Variants in PCDHA7 observed in about 807,000 individuals in gnomAD.
The protein encoded by PCDHA7 is protocadherin alpha-7.
In PCDHA7, 37 loss-of-function variants were observed where a neutral mutation model predicts 57.2. That is an observed-to-expected ratio of 0.65 (90% CI 0.50 to 0.85). The LOEUF (loss-of-function observed/expected upper bound fraction) is 0.85, where lower values mean the gene tolerates loss of function less well. PCDHA7 is among the 40% of genes least tolerant of loss of function. PCDHA7 has a pLI of 0.00. For synonymous variants in PCDHA7, 553 were observed against 558.8 expected, an observed-to-expected ratio of 0.99 and a Z score of 0.15; for missense variants, 1,188 against 1,241.8, an observed-to-expected ratio of 0.96 and a Z score of 0.65.
intron 1 of PCDHA7, among the ~76,000 whole-genome samples, chr5:140,918,002 A>G (rs2153546564): frequency 1.3e-5 from 2 of 152,244 alleles, no homozygotes; most frequent in South Asian, 4.2e-4. Context: ...TATCTTAACA[A>G]TGTTGTTTCT....
chr5:141,000,395 C>CTCTA (rs1213762225), intron 3 of PCDHA7, among the ~76,000 whole-genome samples: 16 of 53,972 alleles, frequency 3.0e-4, no homozygotes, highest in East Asian at 6.1e-4. Context: ...CTCTCTCTCT[C>CTCTA]TATATATATA....
At chr5:140,874,134 C>T (rs2054725501) in intron 1 of PCDHA7, among the ~76,000 whole-genome samples, 1 of 152,122 alleles carries the variant, frequency 6.6e-6, no homozygotes, top group African/African-American at 2.4e-5. Flanking sequence ...TTTAAGTTAT[C>T]TTATACTTGT....
At chr5:140,862,566 T>C (rs1440139064) in intron 1 of PCDHA7, 1 of 478,068 alleles carries the variant, frequency 2.1e-6, no homozygotes, top group Non-Finnish European at 4.3e-6. Context: ...TGAACCACAA[T>C]GCCCTGGCGT....
Position 140,897,056 on chromosome 5 carries a change from T to C in PCDHA7, c.2355+60318T>C, listed in dbSNP as rs147544543. Among the ~76,000 whole-genome samples the C allele has an allele frequency of 2.6e-3, 395 of 152,288 alleles. 2 individuals carry two copies. The highest frequency in any genetic ancestry group is 9.2e-3 in the African/African-American group (384 of 41,556). ...ATAGTCACCCTATTCTGCTGTCAAA[T>C]ACTATGTCTTATTCATTTTTTCTAT... On this transcript the variant is annotated intron_variant, in intron 1 of 3. Coordinates refer to ENST00000525929, the MANE Select transcript of PCDHA7 (RefSeq NM_018910.3).
At chr5:140,884,722 T>C in intron 1 of PCDHA7, 2 of 1,460,382 alleles carry the variant, frequency 1.4e-6, no homozygotes, top group South Asian at 3.0e-5. Flanking sequence ...TGCAGTTGTT[T>C]GTTTAAGACA....
chr5:140,882,161 T>C (rs1235221234), intron 1 of PCDHA7: 1 of 1,509,194 alleles, frequency 6.6e-7, no homozygotes, highest in African/African-American at 1.4e-5. Flanking sequence ...GGAATACCTC[T>C]TGCGAATCCT....
At chr5:140,989,013 G>A (rs1171400170) in intron 3 of PCDHA7, 1 of 152,208 alleles carries the variant, frequency 6.6e-6, no homozygotes, top group Non-Finnish European at 1.5e-5. Context: ...ACTTATTATA[G>A]TTTCTTCAGT....
chr5:140,864,277 T>C (rs1203382304), intron 1 of PCDHA7: 1 of 152,228 alleles, frequency 6.6e-6, no homozygotes, highest in African/African-American at 2.4e-5. Context: ...CTCCATTCCT[T>C]ATTGTTTTTA....
intron 1 of PCDHA7, chr5:140,850,332 C>T (rs1349532162): frequency 1.3e-6 from 2 of 1,597,432 alleles, no homozygotes; most frequent in Admixed American, 1.7e-5. Context: ...CGAGCTGCAG[C>T]CAGAAACGGC....
chr5:140,941,316 T>C (rs1479003076), intron 1 of PCDHA7, among the ~76,000 whole-genome samples: 1 of 135,480 alleles, frequency 7.4e-6, no homozygotes, highest in African/African-American at 2.7e-5. Flanking sequence ...TTTTCTTCTT[T>C]CTCTTTTTTT....
rs2150249496 is a variant in PCDHA7 at position 140,835,977 on chromosome 5, C to G, written c.1594C>G (p.Gln532Glu). The G allele has an allele frequency of 6.2e-7, 1 of 1,613,352 alleles. No individual in the cohort carries two copies. The highest frequency in any genetic ancestry group is 1.7e-5 in the Admixed American group (1 of 60,014). The change falls in exon 1 of 4, where the codon CAG (glutamine) becomes GAG (glutamate). Residue 532 changes from glutamine to glutamate, a missense_variant. By Grantham distance (29) the Gln-to-Glu change is conservative. This residue lies in a region of PCDHA7 where 892 missense variants were observed against 788.5 expected (regional missense o/e 1.13). Transcript: ENST00000525929. ...PLDHEELELL[Q>E]FQVSARDAGV... ...GGACCACGAGGAGCTGGAGCTGTTG[C>G]AGTTCCAGGTGAGCGCGCGCGATGC...
intron 1 of PCDHA7, among the ~76,000 whole-genome samples, chr5:140,888,973 A>G (rs1173174070): frequency 2.6e-5 from 4 of 152,078 alleles, no homozygotes; most frequent in African/African-American, 9.7e-5. Flanking sequence ...TAATGTGTTG[A>G]ATTTATGATT....
chr5:140,864,404 G>A (rs2048464520), intron 1 of PCDHA7: 1 of 152,228 alleles, frequency 6.6e-6, no homozygotes. Flanking sequence ...GTGATGAGCA[G>A]GGTTGAGGCA....
At chr5:140,850,181 G>A (rs2150471604) in intron 1 of PCDHA7, 2 of 1,593,852 alleles carry the variant, frequency 1.3e-6, no homozygotes, top group East Asian at 2.2e-5. Context: ...ACGACAATGC[G>A]CCGGCGCTGC....
At chr5:140,876,555 G>A (rs782622293) in intron 1 of PCDHA7, 18 of 1,614,072 alleles carry the variant, frequency 1.1e-5, no homozygotes, top group Admixed American at 3.3e-5. Flanking sequence ...CTGTGCAAGA[G>A]GATGCTCAGG....
At chr5:140,995,267 C>T (rs552857413) in intron 3 of PCDHA7, among the ~76,000 whole-genome samples, 1 of 152,192 alleles carries the variant, frequency 6.6e-6, no homozygotes, top group Non-Finnish European at 1.5e-5. Context: ...GAATACAAGC[C>T]CTTTGATACC....
At chr5:140,941,754 T>A (rs2093159057) in intron 1 of PCDHA7, among the ~76,000 whole-genome samples, 1 of 152,256 alleles carries the variant, frequency 6.6e-6, no homozygotes, top group African/African-American at 2.4e-5. Context: ...AGATTTTCAG[T>A]GCTTTTAAGA....
At chr5:140,952,807 C>T (rs1390694306) in intron 1 of PCDHA7, among the ~76,000 whole-genome samples, 2 of 152,158 alleles carry the variant, frequency 1.3e-5, no homozygotes, top group Admixed American at 6.5e-5. Context: ...CGCAGTTCTG[C>T]AGGCTGTACA....
intron 1 of PCDHA7, chr5:140,856,463 C>T (rs782279735): frequency 1.3e-6 from 2 of 1,598,356 alleles, no homozygotes; most frequent in Admixed American, 3.4e-5. Context: ...AGAACAAAAG[C>T]TCTCAATACC....
Sources: gnomAD v4.1 joint callset for allele counts (sites outside exome capture counted in the v4.1 genomes callset) on GRCh38, gnomAD v4.1.1 for gene constraint, gnomAD v4.1.1 regional missense constraint, MANE v1.5 for transcripts, NCBI Gene and HGNC (gene_info 2026-07-23, HGNC 2026-07-21) for gene names.